PHLPP1: variants seen among roughly 807,000 people sequenced by gnomAD.
The protein encoded by PHLPP1 is PH domain leucine-rich repeat-containing protein phosphatase 1.
PHLPP1 carries 42 observed loss-of-function variants against 117.2 expected under a neutral mutation model. That is an observed-to-expected ratio of 0.36 (90% CI 0.28 to 0.46). The LOEUF (loss-of-function observed/expected upper bound fraction) is 0.46. PHLPP1 is among the 20% of genes least tolerant of loss of function. PHLPP1 has a pLI of 1.00. For synonymous variants in PHLPP1, 1,042 were observed against 970.7 expected, an observed-to-expected ratio of 1.07 and a Z score of -1.37; for missense variants, 2,084 against 2,241.9, an observed-to-expected ratio of 0.93 and a Z score of 1.42.
At chr18:62,896,155 A>G (rs1916558383) in intron 6 of PHLPP1, 144 bp downstream of exon 6, 1 of 611,592 alleles carries the variant, frequency 1.6e-6, no homozygotes, top group Non-Finnish European at 2.9e-6. Flanking sequence ...AAGAATTATG[A>G]TTAATAGTAG....
chr18:62,948,478 T>C (rs909101714), intron 12 of PHLPP1, among the ~76,000 whole-genome samples: 3 of 152,230 alleles, frequency 2.0e-5, no homozygotes, highest in African/African-American at 7.2e-5. Flanking sequence ...CTTCCCCTGT[T>C]GTCTTCTCTC....
chr18:62,716,162 C>G lies in PHLPP1; in HGVS notation c.479C>G (p.Ser160Cys), dbSNP rs1398021956. The change falls in exon 1 of 17, where the codon TCC becomes TGC. Residue 160 changes from serine to cysteine, a missense_variant. This residue lies in a region of PHLPP1 where 719 missense variants were observed against 636.0 expected (regional missense o/e 1.13). Coordinates refer to ENST00000262719, the MANE Select transcript of PHLPP1 (RefSeq NM_194449.4). The surrounding 1 kb of genome is among the most constrained non-coding windows in gnomAD (Gnocchi z 5.7). Reference sequence around the variant, plus strand: ...CCCGGCGCTGCCGGCCTCCCCGCCTCCTGCTCGGCCTCGGCGTCGCTGTGC... The same window carrying G: ...CCCGGCGCTGCCGGCCTCCCCGCCTGCTGCTCGGCCTCGGCGTCGCTGTGC... ...HSPGAAGLPA[S>C]CSASASLCTR... The G allele has an allele frequency of 9.9e-6, 15 of 1,518,708 alleles. No individual in the cohort carries two copies. The East Asian group carries it at 3.9e-4, about 39-fold the overall frequency. The allele number at this position is 1,518,708 out of a possible 1,614,324, so 94.1% of individuals were successfully genotyped here. A position where few individuals can be genotyped will look rare whatever the true frequency, so the allele number is the denominator to read the frequency against.
At chr18:62,726,790 G>A (rs111230998) in intron 1 of PHLPP1, among the ~76,000 whole-genome samples, 8,247 of 151,186 alleles carry the variant, frequency 0.055, 760 homozygotes, top group African/African-American at 0.19. Flanking sequence ...TGCCATGTTG[G>A]CCATGCTGGT....
At chr18:62,721,234 G>A (rs1300942771) in intron 1 of PHLPP1, among the ~76,000 whole-genome samples, 1 of 152,156 alleles carries the variant, frequency 6.6e-6, no homozygotes, top group African/African-American at 2.4e-5. Context: ...AGACAGTATG[G>A]AAAGAGTACT....
intron 1 of PHLPP1, among the ~76,000 whole-genome samples, chr18:62,734,298 C>G (rs1448451124): frequency 1.3e-5 from 2 of 152,012 alleles, no homozygotes; most frequent in Non-Finnish European, 2.9e-5. Context: ...TTTTTAAAAA[C>G]CTCTGTATCT....
chr18:62,874,235 A>T (rs892576482), intron 4 of PHLPP1, among the ~76,000 whole-genome samples: 1 of 145,732 alleles, frequency 6.9e-6, no homozygotes, highest in Non-Finnish European at 1.5e-5. Context: ...AGGCCGGTTG[A>T]GGTGACTCAC....
intron 1 of PHLPP1, among the ~76,000 whole-genome samples, chr18:62,720,306 A>G (rs993512596): frequency 2.0e-5 from 3 of 152,034 alleles, no homozygotes; most frequent in South Asian, 4.1e-4. Context: ...ATCTTTTTAT[A>G]TTTTTTGACT....
At position 62,978,895 on chromosome 18, in the gene PHLPP1, T is replaced by G; in HGVS notation, c.4618T>G (p.Phe1540Val). Residue 1540 changes from phenylalanine (F) to valine (V), a missense_variant, in exon 17 of 17, where the codon TTC becomes GTC. Around this residue, in one of 2 missense-constraint regions of PHLPP1, gnomAD observed 1,365 missense variants for 1,605.9 expected, o/e 0.85. Coordinates refer to ENST00000262719, the MANE Select transcript of PHLPP1 (RefSeq NM_194449.4). The surrounding 1 kb of genome is among the most constrained non-coding windows in gnomAD (Gnocchi z 7.0). ...ATCCAGCGCCACGTTCTCTAGCGCC[T>G]TCTCCGACAACGGCCTTGACAGTGA... Reference protein sequence around the residue: ...QLSSATFSSAFSDNGLDSDDE... With the variant: ...QLSSATFSSAVSDNGLDSDDE... 2 of 1,607,400 alleles carry G rather than the reference T, an allele frequency of 1.2e-6. No homozygotes were observed. The highest frequency in any genetic ancestry group is 1.7e-6 in the Non-Finnish European group (2 of 1,177,052).
At chr18:62,787,963 C>T (rs1389727772) in intron 1 of PHLPP1, among the ~76,000 whole-genome samples, 1 of 152,226 alleles carries the variant, frequency 6.6e-6, no homozygotes, top group East Asian at 1.9e-4. Flanking sequence ...ATCCAGACTG[C>T]TGCCTTTGGG....
chr18:62,957,533 A>G (rs1910646876), intron 12 of PHLPP1, among the ~76,000 whole-genome samples: 3 of 151,848 alleles, frequency 2.0e-5, no homozygotes. Flanking sequence ...TTCTTTTGAA[A>G]TATCTTCTCA....
intron 3 of PHLPP1, among the ~76,000 whole-genome samples, chr18:62,844,911 T>C (rs1484552408): frequency 1.3e-5 from 2 of 152,238 alleles, no homozygotes; most frequent in Admixed American, 1.3e-4. Flanking sequence ...AACAGTTTAC[T>C]ACATGGCACA....
At chr18:62,933,380 G>A (rs1163576280) in intron 10 of PHLPP1, among the ~76,000 whole-genome samples, 1 of 152,118 alleles carries the variant, frequency 6.6e-6, no homozygotes, top group Non-Finnish European at 1.5e-5. Flanking sequence ...AACACTGTAG[G>A]TAATGAAAAC....
At chr18:62,973,499 C>CA (rs1277575864) in intron 15 of PHLPP1, among the ~76,000 whole-genome samples, 1 of 152,198 alleles carries the variant, frequency 6.6e-6, no homozygotes, top group Non-Finnish European at 1.5e-5. Flanking sequence ...TGAGAGCAGT[C>CA]ATGGTGTTTT....
intron 4 of PHLPP1, among the ~76,000 whole-genome samples, chr18:62,874,657 GCA>G (rs71340125): frequency 0.51 from 75,564 of 147,246 alleles, 20,952 homozygotes; most frequent in East Asian, 0.79. Flanking sequence ...ACGCACGCGC[GCA>G]CACACACACA....
chr18:62,770,961 G>A (rs1230542694), intron 1 of PHLPP1, among the ~76,000 whole-genome samples: 28 of 152,178 alleles, frequency 1.8e-4, no homozygotes, highest in Admixed American at 1.8e-3. Context: ...GCTCACGCCT[G>A]TAATCCCAAC....
chr18:62,752,632 T>A (rs972685297), intron 1 of PHLPP1, among the ~76,000 whole-genome samples: 1 of 152,256 alleles, frequency 6.6e-6, no homozygotes, highest in African/African-American at 2.4e-5. Flanking sequence ...ATTGCCAGGA[T>A]GTTCTCTTGG....
At chr18:62,731,967 G>T (rs954808954) in intron 1 of PHLPP1, among the ~76,000 whole-genome samples, 1 of 151,788 alleles carries the variant, frequency 6.6e-6, no homozygotes, top group Non-Finnish European at 1.5e-5. Flanking sequence ...AGCTAGCAGA[G>T]GTTGGTTCAT....
chr18:62,968,699 A>G (rs1910971194), intron 14 of PHLPP1, among the ~76,000 whole-genome samples: 1 of 151,736 alleles, frequency 6.6e-6, no homozygotes, highest in Non-Finnish European at 1.5e-5. Flanking sequence ...CACCACGCCC[A>G]GCTAATTTTT....
intron 9 of PHLPP1, among the ~76,000 whole-genome samples, chr18:62,916,599 A>AGG (rs1909282586): frequency 7.7e-6 from 1 of 129,450 alleles, no homozygotes; most frequent in African/African-American, 2.9e-5. Flanking sequence ...CATTAACAAG[A>AGG]GGGTGGGTGT....
Sources: allele counts gnomAD v4.1 joint callset (sites outside exome capture counted in the v4.1 genomes callset), GRCh38; gene constraint gnomAD v4.1.1; regional missense constraint gnomAD v4.1.1; non-coding constraint Gnocchi (gnomAD v3.1); transcripts MANE v1.5; gene names NCBI Gene and HGNC (gene_info 2026-07-23, HGNC 2026-07-21).